Variants in NAA60 observed in about 807,000 individuals in gnomAD.
NAA60 encodes N-alpha-acetyltransferase 60.
A neutral mutation model predicts 26.1 loss-of-function variants in NAA60; 8 were observed. The ratio of observed to expected loss-of-function variants is 0.31; its 90% CI spans 0.18 to 0.55. NAA60 has a LOEUF of 0.55. Among genes scored for constraint, NAA60 ranks in the 20% least tolerant of loss-of-function variants. The probability of loss-of-function intolerance (pLI) is 0.93; values close to 1 mark genes in which losing one functional copy is unlikely to be tolerated. For missense variants in NAA60, 290 were observed against 311.3 expected, an observed-to-expected ratio of 0.93 and a Z score of 0.51; for synonymous variants, 131 against 122.5, an observed-to-expected ratio of 1.07 and a Z score of -0.46.
chr16:3,456,442 C>CTTTTT (rs577299558), intron 2 of NAA60, among the ~76,000 whole-genome samples: 50 of 147,692 alleles, frequency 3.4e-4, no homozygotes, highest in Middle Eastern at 3.5e-3. Context: ...GAGCAATTTC[C>CTTTTT]TTTTTTTTTT....
intron 2 of NAA60, among the ~76,000 whole-genome samples, chr16:3,470,355 C>T (rs891793821): frequency 6.6e-6 from 1 of 152,170 alleles, no homozygotes; most frequent in African/African-American, 2.4e-5. Flanking sequence ...GAATGGAACT[C>T]GCTATTCCCA....
At chr16:3,443,902 G>A in intron 1 of NAA60, 65 bp downstream of exon 1, 2 of 1,479,380 alleles carry the variant, frequency 1.4e-6, no homozygotes, top group South Asian at 1.3e-5. Flanking sequence ...AGGTGATTGA[G>A]AGGGCGGGGG....
At chr16:3,475,236 C>T (rs1318962529) in intron 2 of NAA60, among the ~76,000 whole-genome samples, 1 of 152,108 alleles carries the variant, frequency 6.6e-6, no homozygotes, top group East Asian at 1.9e-4. Flanking sequence ...ATTACAGTTG[C>T]CCGCCACCAA....
intron 2 of NAA60, chr16:3,449,886 G>C (rs112741285): frequency 2.6e-6 from 1 of 387,980 alleles, no homozygotes; most frequent in African/African-American, 2.1e-5. Context: ...CACCATGTGA[G>C]ACATGCCTTT....
chr16:3,462,959 T>A (rs2035507115), intron 2 of NAA60, among the ~76,000 whole-genome samples: 1 of 152,158 alleles, frequency 6.6e-6, no homozygotes, highest in South Asian at 2.1e-4. Flanking sequence ...AAAATTAGAT[T>A]TTATATAGCC....
intron 2 of NAA60, among the ~76,000 whole-genome samples, chr16:3,471,632 C>A (rs1220471042): frequency 1.3e-5 from 2 of 152,194 alleles, no homozygotes; most frequent in African/African-American, 4.8e-5. Flanking sequence ...AGGTGGTTCT[C>A]CCTGTGGCCT....
chr16:3,473,068 C>T (rs12443720), intron 2 of NAA60, among the ~76,000 whole-genome samples: 9,339 of 152,058 alleles, frequency 0.061, 379 homozygotes, highest in Middle Eastern at 0.085. Flanking sequence ...CAGAATCTCA[C>T]CACGTCACCC....
intron 1 of NAA60, among the ~76,000 whole-genome samples, chr16:3,446,069 C>T (rs571107433): frequency 1.3e-5 from 2 of 152,306 alleles, no homozygotes; most frequent in East Asian, 1.9e-4. Context: ...CCACGACAAT[C>T]TTTTGCAAGT....
At chr16:3,458,018 C>G (rs2150957615) in intron 2 of NAA60, 6 of 985,330 alleles carry the variant, frequency 6.1e-6, no homozygotes, top group East Asian at 1.1e-4. Context: ...CGGCAGGGAG[C>G]GGGAGGCGGA....
At chr16:3,450,622 C>A (rs1199867185) in intron 2 of NAA60, among the ~76,000 whole-genome samples, 1 of 148,404 alleles carries the variant, frequency 6.7e-6, no homozygotes, top group African/African-American at 2.5e-5. Flanking sequence ...ATGGTGTGAA[C>A]CCGGGAGGCG....
At chr16:3,463,273 C>T (rs866098852) in intron 2 of NAA60, among the ~76,000 whole-genome samples, 1 of 151,936 alleles carries the variant, frequency 6.6e-6, no homozygotes, top group Non-Finnish European at 1.5e-5. Flanking sequence ...TGAGGCCGGG[C>T]CCGGTGGCTC....
rs1281280133 is a variant in NAA60, at chr16:3,485,611, GCTGC to G, written c.*355_*358del. ...GCCCTCACTGGGCCTCTCCCACTCC[GCTGC>G]CTGTTCTTGCAGCTCCTTCCTGGAA... On this transcript the variant is annotated 3_prime_UTR_variant, in exon 8 of 8. Coordinates refer to ENST00000407558, the MANE Select transcript of NAA60 (RefSeq NM_001083601.3). 5.5e-5 allele frequency: 25 copies of G among 456,268 alleles called. No individual in the cohort carries two copies. The highest frequency in any genetic ancestry group is 1.1e-4 in the Non-Finnish European group (24 of 226,808). The allele number at this position is 456,268 out of a possible 1,614,324, so 28.3% of individuals were successfully genotyped here. A position where few individuals can be genotyped will look rare whatever the true frequency, so the allele number is the denominator to read the frequency against.
chr16:3,461,230 G>T (rs986863064), intron 2 of NAA60, among the ~76,000 whole-genome samples: 7 of 149,268 alleles, frequency 4.7e-5, no homozygotes, highest in African/African-American at 1.8e-4. Flanking sequence ...TAAGGCATTT[G>T]CGTAGTGCTT....
At chr16:3,458,047 C>A in intron 2 of NAA60, 1 of 985,284 alleles carries the variant, frequency 1.0e-6, no homozygotes, top group Non-Finnish European at 1.2e-6. Flanking sequence ...GGGCTGCCGC[C>A]TCCGTCCCGG....
chr16:3,478,064 A>AAATAAT lies in NAA60; in HGVS notation c.111-1386_111-1381dup, dbSNP rs60478448. Among the ~76,000 whole-genome samples, 513 of 137,266 alleles carry AAATAAT rather than the reference A, an allele frequency of 3.7e-3. 2 individuals carry two copies. Among genetic ancestry groups the AAATAAT allele is most frequent in the Middle Eastern group, 0.019 (5 of 270 alleles). The allele number at this position is 137,266 out of a possible 152,430, so 90.1% of individuals were successfully genotyped here. A position where few individuals can be genotyped will look rare whatever the true frequency, so the allele number is the denominator to read the frequency against. Reference sequence around the variant, plus strand: ...TGAGCGACAGTGAGACTCTGTCTCAAAATAATAATAATAATAATAATAATA... The same window carrying AAATAAT: ...TGAGCGACAGTGAGACTCTGTCTCAAAATAATAATAATAATAATAATAATAATAATA... On this transcript the variant is annotated intron_variant, in intron 3 of 7. Coordinates refer to ENST00000407558, the MANE Select transcript of NAA60 (RefSeq NM_001083601.3).
At chr16:3,444,034 GGACTCT>G in intron 1 of NAA60, 197 bp downstream of exon 1, 1 of 1,087,558 alleles carries the variant, frequency 9.2e-7, no homozygotes, top group Non-Finnish European at 1.2e-6. Flanking sequence ...CCAGGTTGCT[GGACTCT>G]GACTCAAAGT....
At chr16:3,455,134 C>G (rs546721037) in intron 2 of NAA60, among the ~76,000 whole-genome samples, 1 of 152,248 alleles carries the variant, frequency 6.6e-6, no homozygotes, top group Admixed American at 6.5e-5. Flanking sequence ...TCGCTGCAAC[C>G]TCGGCCTCCC....
At chr16:3,459,674 CTG>C (rs1365009298) in intron 2 of NAA60, among the ~76,000 whole-genome samples, 2 of 152,184 alleles carry the variant, frequency 1.3e-5, no homozygotes, top group African/African-American at 4.8e-5. Context: ...CTGTGGGTTT[CTG>C]TGACAATGGT....
In NAA60 at chr16:3,483,334, C is replaced by G. The variant is rs765692413; in HGVS notation, c.338-29C>G. 26 of 1,525,598 alleles carry G rather than the reference C, an allele frequency of 1.7e-5. No homozygotes were observed. In the East Asian group the frequency reaches 5.7e-4, roughly 33 times the overall value. The allele number at this position is 1,525,598 out of a possible 1,614,324, so 94.5% of individuals were successfully genotyped here. A position where few individuals can be genotyped will look rare whatever the true frequency, so the allele number is the denominator to read the frequency against. The stretch of plus-strand genomic sequence containing the variant: ...CATCCTTCCTTCCTAACTGCTCTGC[C>G]TGCATTACCTTTACCTCTTCTCCCC... On this transcript the variant is annotated intron_variant, in intron 5 of 7. Coordinates refer to ENST00000407558, the MANE Select transcript of NAA60 (RefSeq NM_001083601.3).
Sources: gnomAD v4.1 joint callset for allele counts (sites outside exome capture counted in the v4.1 genomes callset) on GRCh38, gnomAD v4.1.1 for gene constraint, MANE v1.5 for transcripts, NCBI Gene and HGNC (gene_info 2026-07-23, HGNC 2026-07-21) for gene names.